The following VASP variants were observed in gnomAD, a reference collection of about 807,000 sequenced individuals.
VASP encodes vasodilator stimulated phosphoprotein.
A neutral mutation model predicts 54.4 loss-of-function variants in VASP; 27 were observed. That is an observed-to-expected ratio of 0.50 (90% CI 0.37 to 0.68). VASP has a LOEUF of 0.68. VASP is among the 30% of genes least tolerant of loss of function. VASP has a pLI of 0.00. For synonymous variants in VASP, 233 were observed against 209.8 expected (o/e 1.11, Z -0.96); for missense variants, 488 against 528.3 (o/e 0.92, Z 0.75).
rs562715515 is a variant in VASP at position 45,507,720 on chromosome 19, G to A, written c.-52G>A. On this transcript the variant is annotated 5_prime_UTR_variant, in exon 1 of 13. Transcript: ENST00000245932. This position sits in a 1 kb window ranked among gnomAD's most constrained non-coding sequence, Gnocchi z 4.4. ...CGAACCCCTGAACCTCCAGCCAGGG[G>A]CGCCCCGGGAGCAGCCAGCCCGTGG... is the stretch of plus-strand genomic sequence containing the variant. The A allele has an allele frequency of 7.3e-5, 111 of 1,513,526 alleles. No individual in the cohort carries two copies. Among genetic ancestry groups the A allele is most frequent in the Admixed American group, 1.8e-4 (9 of 49,758 alleles). The allele number at this position is 1,513,526 out of a possible 1,614,324, so 93.8% of individuals were successfully genotyped here.
chr19:45,508,567 G>A (rs12609845), intron 1 of VASP, among the ~76,000 whole-genome samples: 25,771 of 141,706 alleles, frequency 0.18, 2,589 homozygotes, highest in East Asian at 0.42. Context: ...GCAGCTGGGG[G>A]AAGGGGGCCT....
At position 45,521,382 on chromosome 19, in the gene VASP, C is replaced by G; in HGVS notation, c.404C>G (p.Pro135Arg). 1.3e-6 allele frequency: 2 copies of G among 1,575,792 alleles called. No homozygotes were observed. Among genetic ancestry groups the G allele is most frequent in the Non-Finnish European group, 1.7e-6 (2 of 1,160,752 alleles). The change falls in exon 4 of 13, where the codon CCG (proline) becomes CGG (arginine). Residue 135 changes from proline (P) to arginine (R), a missense_variant. By Grantham distance (103) the Pro-to-Arg change is moderately radical (BLOSUM62 -2). Around this residue, in one of 4 missense-constraint regions of VASP, gnomAD observed 226 missense variants for 196.0 expected, o/e 1.15. Transcript: ENST00000245932. ...TGGTCGGTCCCGAACGGCCCCTCCC[C>G]GGAGGAGGTGGAGCAGCAGAAAAGG... is the stretch of plus-strand genomic sequence containing the variant. The part of the protein sequence containing the change: ...PTWSVPNGPS[P>R]EEVEQQKRQQ...
intron 5 of VASP, 21 bp downstream of exon 5, chr19:45,522,238 G>A (rs1599939005): frequency 6.2e-7 from 1 of 1,614,198 alleles, no homozygotes; most frequent in African/African-American, 1.3e-5. Context: ...GATAGCTTCG[G>A]GAGTTGGGAG....
chr19:45,521,955 C>G (rs559212388), intron 4 of VASP, among the ~76,000 whole-genome samples: 1 of 152,080 alleles, frequency 6.6e-6, no homozygotes, highest in Non-Finnish European at 1.5e-5. Context: ...ACTGGGATCT[C>G]GCATCCTGAT....
At chr19:45,509,785 G>T (rs1484926214) in intron 1 of VASP, among the ~76,000 whole-genome samples, 2 of 152,180 alleles carry the variant, frequency 1.3e-5, no homozygotes, top group African/African-American at 4.8e-5. Context: ...CTATTACCCA[G>T]CTGGGGAAAC....
chr19:45,520,993 G>C (rs1968818579), intron 3 of VASP, among the ~76,000 whole-genome samples: 1 of 152,188 alleles, frequency 6.6e-6, no homozygotes, highest in Non-Finnish European at 1.5e-5. Flanking sequence ...TAAGAGCCTG[G>C]CTGCTGGAAT....
chr19:45,524,426 A>C, intron 10 of VASP, 144 bp from the exon 11 acceptor site: 1 of 801,600 alleles, frequency 1.2e-6, no homozygotes, highest in Admixed American at 2.5e-5. Flanking sequence ...CCAAAACCAA[A>C]AAAAAAAAAA....
chr19:45,511,526 C>T (rs1968599760), intron 1 of VASP, among the ~76,000 whole-genome samples: 1 of 152,082 alleles, frequency 6.6e-6, no homozygotes, highest in Non-Finnish European at 1.5e-5. Context: ...TGGGGACTTG[C>T]AGGGAGGAGT....
In VASP at chr19:45,525,961, G is replaced by A. The variant is rs1968954851; in HGVS notation, c.1063G>A (p.Val355Met). 6.2e-7 allele frequency: 1 copy of A among 1,614,108 alleles called. No individual in the cohort carries two copies. Among genetic ancestry groups the A allele is most frequent in the Non-Finnish European group, 8.5e-7 (1 of 1,180,020 alleles). ...TTAATTTTAGGAGCTTCTGGAAGAG[G>A]TGAAGAAGGAATTGCAGAAAGTGAA... ...QRVKQELLEE[V>M]KKELQKVKEE... is the part of the protein sequence containing the mutation. Residue 355 changes from valine (V) to methionine (M), a missense_variant, in exon 12 of 13, where the codon GTG becomes ATG. Val to Met is a conservative substitution (Grantham distance 21). This residue lies in a region of VASP where 126 missense variants were observed against 134.8 expected (regional missense o/e 0.94). Transcript: ENST00000245932.
intron 1 of VASP, among the ~76,000 whole-genome samples, chr19:45,509,484 C>T (rs1027046028): frequency 2.0e-5 from 3 of 151,514 alleles, no homozygotes; most frequent in African/African-American, 7.3e-5. Flanking sequence ...CGTAAAAGGG[C>T]AGGAGCGGTG....
At chr19:45,524,065 C>G (rs201867388) in intron 9 of VASP, 32 bp from the exon 10 acceptor site, 4 of 1,613,908 alleles carry the variant, frequency 2.5e-6, no homozygotes, top group East Asian at 2.2e-5. Flanking sequence ...GTCTTTTGTC[C>G]CTGATCTTTC....
Position 45,507,776 on chromosome 19 carries a change from G to A in VASP, c.5G>A (p.Ser2Asn), listed in dbSNP as rs1428669208. Reference protein sequence around the residue: MSETVICSSRAT... With the variant: MNETVICSSRAT... ...CCGCCCGCCCGCCGAGCAGCCATGAGGTGAGCCGGACCTGCCCCCCGACCC... is the reference window on the plus strand; with the variant it reads ...CCGCCCGCCCGCCGAGCAGCCATGAAGTGAGCCGGACCTGCCCCCCGACCC... Residue 2 changes from serine to asparagine, a missense_variant and splice_region_variant, in exon 1 of 13, where the codon AGC (serine) becomes AAC (asparagine). This residue lies in a region of VASP where 127 missense variants were observed against 170.7 expected (regional missense o/e 0.74). Transcript: ENST00000245932. The surrounding 1 kb of genome is among the most constrained non-coding windows in gnomAD (Gnocchi z 4.4). 6.7e-7 allele frequency: 1 copy of A among 1,495,266 alleles called. No homozygotes were observed. Among genetic ancestry groups the A allele is most frequent in the Non-Finnish European group, 8.8e-7 (1 of 1,130,270 alleles). The allele number at this position is 1,495,266 out of a possible 1,614,324, so 92.6% of individuals were successfully genotyped here.
chr19:45,516,979 G>GTC (rs1386855866), intron 1 of VASP, among the ~76,000 whole-genome samples: 3 of 17,078 alleles, frequency 1.8e-4, no homozygotes, highest in Admixed American at 1.1e-3. Context: ...GTAAGACTCT[G>GTC]TCTCAAAAAA....
At chr19:45,518,860 C>T (rs370919986) in intron 3 of VASP, among the ~76,000 whole-genome samples, 1 of 152,254 alleles carries the variant, frequency 6.6e-6, no homozygotes. Context: ...GAGACAGAGT[C>T]TTGCTCTGTC....
rs1014237002 is a variant in VASP, at chr19:45,507,604, C to G, written c.-168C>G. On this transcript the variant is annotated 5_prime_UTR_variant, in exon 1 of 13. Coordinates refer to ENST00000245932, the MANE Select transcript of VASP (RefSeq NM_003370.4). The surrounding 1 kb of genome is among the most constrained non-coding windows in gnomAD (Gnocchi z 4.4). ...GCCTGAGGGAAGCGGCGCCCGGAGA[C>G]CCGCCCCGGCCCGGTCCACATTCTC... 3.8e-6 allele frequency: 3 copies of G among 793,834 alleles called. No homozygotes were observed. In the African/African-American group the frequency reaches 5.6e-5, roughly 15 times the overall value. The allele number at this position is 793,834 out of a possible 1,614,324, so 49.2% of individuals were successfully genotyped here.
At position 45,526,400 on chromosome 19, in the gene VASP, T is replaced by C; in HGVS notation, c.*223T>C. 1 of 527,150 alleles carries C rather than the reference T, an allele frequency of 1.9e-6. No homozygotes were observed. The highest frequency in any genetic ancestry group is 3.4e-5 in the East Asian group (1 of 29,784). The allele number at this position is 527,150 out of a possible 1,614,324, so 32.7% of individuals were successfully genotyped here. ...GGCCCCCGCCCTTTTCTCCCTTTGG[T>C]CCTTCCCCTCTGCCATCCCCTTGGG... On this transcript the variant is annotated 3_prime_UTR_variant, in exon 13 of 13. Transcript: ENST00000245932.
chr19:45,518,585 A>G (rs550597944), intron 3 of VASP, among the ~76,000 whole-genome samples: 2 of 152,234 alleles, frequency 1.3e-5, no homozygotes, highest in East Asian at 3.9e-4. Context: ...CACAAAAAAA[A>G]TGCACGATTA....
chr19:45,521,015 C>T (rs1054578810), intron 3 of VASP, among the ~76,000 whole-genome samples: 1 of 152,240 alleles, frequency 6.6e-6, no homozygotes, highest in African/African-American at 2.4e-5. Context: ...AGCCTGAATT[C>T]AAGTCTTGTT....
rs773272331 is a variant in VASP at position 45,526,008 on chromosome 19, G to A, written c.1105+5G>A. The A allele has an allele frequency of 6.2e-7, 1 of 1,613,872 alleles. No individual in the cohort carries two copies. Reference sequence around the variant, plus strand: ...TGAAAGAGGAAATCATTGAAGGTGAGGTGGTTTGCTTTGGTTTTGTTCTTA... The same window carrying A: ...TGAAAGAGGAAATCATTGAAGGTGAAGTGGTTTGCTTTGGTTTTGTTCTTA... On this transcript the variant is annotated splice_donor_5th_base_variant and intron_variant, in intron 12 of 12. Coordinates refer to ENST00000245932, the MANE Select transcript of VASP (RefSeq NM_003370.4).
Sources: allele counts gnomAD v4.1 joint callset (sites outside exome capture counted in the v4.1 genomes callset), GRCh38; gene constraint gnomAD v4.1.1; regional missense constraint gnomAD v4.1.1; non-coding constraint Gnocchi (gnomAD v3.1); transcripts MANE v1.5; gene names NCBI Gene and HGNC (gene_info 2026-07-23, HGNC 2026-07-21).